The following CACNA2D3 variants were observed in gnomAD, a reference collection of about 807,000 sequenced individuals.
The protein encoded by CACNA2D3 is voltage-dependent calcium channel subunit alpha-2/delta-3.
Under a neutral mutation model 160.6 loss-of-function variants are expected in CACNA2D3, and 60 were observed. The ratio of observed to expected loss-of-function variants is 0.37; its 90% CI spans 0.30 to 0.46. CACNA2D3 has a LOEUF of 0.46. CACNA2D3 is among the 20% of genes least tolerant of loss of function. CACNA2D3 has a pLI of 1.00. For synonymous variants in CACNA2D3, 558 were observed against 492.9 expected (o/e 1.13, Z -1.75); for missense variants, 1,205 against 1,365.0 (o/e 0.88, Z 1.85).
At chr3:54,402,508 A>G (rs531216528) in intron 4 of CACNA2D3, among the ~76,000 whole-genome samples, 1 of 152,204 alleles carries the variant, frequency 6.6e-6, no homozygotes, top group Admixed American at 6.5e-5. Flanking sequence ...AATAAAATAG[A>G]TTTTAAGTAT....
intron 2 of CACNA2D3, among the ~76,000 whole-genome samples, chr3:54,221,859 A>AT (rs1367935446): frequency 6.6e-6 from 1 of 151,700 alleles, no homozygotes; most frequent in African/African-American, 2.4e-5. Context: ...GAAAAAAAAT[A>AT]TTTTTTTGAG....
At chr3:54,706,611 T>C (rs1347889083) in intron 11 of CACNA2D3, among the ~76,000 whole-genome samples, 1 of 152,204 alleles carries the variant, frequency 6.6e-6, no homozygotes, top group East Asian at 1.9e-4. Flanking sequence ...CTCAGTAGAC[T>C]GTACCTTTTA....
intron 2 of CACNA2D3, among the ~76,000 whole-genome samples, chr3:54,278,482 C>T (rs571508936): frequency 1.3e-5 from 2 of 152,294 alleles, no homozygotes. Flanking sequence ...AATCCCATTA[C>T]TGGGTGTATA....
intron 2 of CACNA2D3, among the ~76,000 whole-genome samples, chr3:54,179,825 G>A (rs1306796688): frequency 6.6e-6 from 1 of 152,222 alleles, no homozygotes; most frequent in East Asian, 1.9e-4. Context: ...ATTGGCCAGC[G>A]ACTTGATCTT....
intron 17 of CACNA2D3, among the ~76,000 whole-genome samples, chr3:54,870,896 T>C (rs1699509141): frequency 6.6e-6 from 1 of 152,172 alleles, no homozygotes; most frequent in Non-Finnish European, 1.5e-5. Context: ...GTGCTTTTGC[T>C]TCCTAGCTAA....
intron 14 of CACNA2D3, among the ~76,000 whole-genome samples, chr3:54,821,874 T>G (rs1703611657): frequency 1.3e-5 from 2 of 152,070 alleles, no homozygotes; most frequent in Admixed American, 6.6e-5. Flanking sequence ...ACTTCTATAC[T>G]TCGAACAGTT....
intron 3 of CACNA2D3, among the ~76,000 whole-genome samples, chr3:54,370,836 G>GGA (rs372369582): frequency 7.0e-5 from 6 of 85,744 alleles, no homozygotes; most frequent in Admixed American, 2.4e-4. Flanking sequence ...CCCGACTCCA[G>GGA]AAAAAAAAAA....
intron 21 of CACNA2D3, among the ~76,000 whole-genome samples, chr3:54,882,360 G>A (rs568061341): frequency 6.6e-6 from 1 of 152,246 alleles, no homozygotes; most frequent in East Asian, 1.9e-4. Context: ...ACATGGGCCT[G>A]TCCCTCCCTT....
intron 11 of CACNA2D3, among the ~76,000 whole-genome samples, chr3:54,725,034 A>G (rs1701250498): frequency 6.6e-6 from 1 of 152,178 alleles, no homozygotes; most frequent in Admixed American, 6.5e-5. Context: ...ACTAATAAGA[A>G]AAGAGAGAAG....
intron 11 of CACNA2D3, among the ~76,000 whole-genome samples, chr3:54,731,523 C>G (rs548458691): frequency 6.6e-6 from 1 of 152,250 alleles, no homozygotes; most frequent in South Asian, 2.1e-4. Flanking sequence ...ATCATTGGCT[C>G]TCTCTTCAAG....
rs1486089233 is a variant in CACNA2D3, at chr3:54,627,961, T to C, written c.1053+85T>C. 5 of 916,672 alleles carry C rather than the reference T, an allele frequency of 5.5e-6. No homozygotes were observed. In the East Asian group the frequency reaches 1.3e-4, roughly 24 times the overall value. 56.8% of individuals were successfully genotyped at this position (916,672 alleles called of 1,614,324 possible). ...GAAAATTGTGGGCCAGGCTGGGCGC[T>C]GTGGTTCAGACCTTTAATCCCAGCC... On this transcript the variant is annotated intron_variant, in intron 10 of 37. Coordinates refer to ENST00000474759, the MANE Select transcript of CACNA2D3 (RefSeq NM_018398.3).
At position 54,347,333 on chromosome 3, in the gene CACNA2D3, T is replaced by C. The variant is rs144761439; in HGVS notation, c.321+26775T>C. ...TCTCTTAACCAGTGCACTTTCCTGCTGGCATAGAGGTTTGAAGAAGTGTTT... is the reference window on the plus strand; with the variant it reads ...TCTCTTAACCAGTGCACTTTCCTGCCGGCATAGAGGTTTGAAGAAGTGTTT... On this transcript the variant is annotated intron_variant, in intron 3 of 37. Coordinates refer to ENST00000474759, the MANE Select transcript of CACNA2D3 (RefSeq NM_018398.3). Among the ~76,000 whole-genome samples the C allele has an allele frequency of 2.7e-3, 407 of 152,330 alleles. 2 individuals carry two copies. The highest frequency in any genetic ancestry group is 9.5e-3 in the African/African-American group (395 of 41,562).
chr3:54,612,737 G>A (rs761405602), intron 9 of CACNA2D3, among the ~76,000 whole-genome samples: 1 of 152,218 alleles, frequency 6.6e-6, no homozygotes, highest in African/African-American at 2.4e-5. Context: ...GAAAGAGCAA[G>A]CTCTGGGAAG....
intron 27 of CACNA2D3, among the ~76,000 whole-genome samples, chr3:54,943,203 T>TAA (rs34708598): frequency 0.35 from 49,202 of 141,884 alleles, 9,056 homozygotes; most frequent in East Asian, 0.61. Context: ...CTATCTCTGG[T>TAA]AAAAAAAAAA....
chr3:54,592,191 A>T (rs540260546), intron 9 of CACNA2D3, among the ~76,000 whole-genome samples: 87 of 152,288 alleles, frequency 5.7e-4, no homozygotes, highest in South Asian at 2.1e-3. Flanking sequence ...GATAAACTCC[A>T]TTTAAAAATG....
At chr3:54,568,986 TTTC>T (rs1225749154) in intron 6 of CACNA2D3, among the ~76,000 whole-genome samples, 2 of 152,244 alleles carry the variant, frequency 1.3e-5, no homozygotes, top group Non-Finnish European at 2.9e-5. Context: ...CTGTTTTTAT[TTTC>T]TTATCTCCAA....
intron 2 of CACNA2D3, among the ~76,000 whole-genome samples, chr3:54,304,652 G>T (rs1038966783): frequency 6.6e-6 from 1 of 152,072 alleles, no homozygotes; most frequent in Admixed American, 6.6e-5. Flanking sequence ...GCTTTAATAA[G>T]AAGAAAAAAG....
intron 3 of CACNA2D3, among the ~76,000 whole-genome samples, chr3:54,345,279 T>G (rs917972335): frequency 4.6e-5 from 7 of 152,230 alleles, no homozygotes; most frequent in African/African-American, 1.7e-4. Flanking sequence ...GGGACCCCTT[T>G]CCTGTAACAC....
intron 9 of CACNA2D3, among the ~76,000 whole-genome samples, chr3:54,583,427 C>T (rs1184758753): frequency 6.6e-6 from 1 of 152,160 alleles, no homozygotes; most frequent in East Asian, 1.9e-4. Flanking sequence ...CTTATTCTGC[C>T]AATATGGAGT....
Sources: allele counts gnomAD v4.1 joint callset (sites outside exome capture counted in the v4.1 genomes callset), GRCh38; gene constraint gnomAD v4.1.1; transcripts MANE v1.5; gene names NCBI Gene and HGNC (gene_info 2026-07-23, HGNC 2026-07-21).